The following MYH13 variants were observed in gnomAD, a reference collection of about 807,000 sequenced individuals.
MYH13 encodes myosin heavy chain 13.
Under a neutral mutation model 232.1 loss-of-function variants are expected in MYH13, and 177 were observed. The ratio of observed to expected loss-of-function variants is 0.76; its 90% confidence interval spans 0.67 to 0.86. MYH13 has a LOEUF of 0.86. Ranked by LOEUF, MYH13 falls within the 40% of genes least tolerant of loss-of-function variation. The pLI is 0.00. For missense variants in MYH13, 2,246 were observed against 2,405.9 expected (o/e 0.93, Z 1.39); for synonymous variants, 884 against 923.5 (o/e 0.96, Z 0.78).
In MYH13 at chr17:10,333,103, G is replaced by C. The variant is rs1202350615; in HGVS notation, c.2145C>G (p.Ser715Arg). 6.4e-7 allele frequency: 1 copy of C among 1,551,506 alleles called. No homozygotes were observed. The highest frequency in any genetic ancestry group is 2.0e-5 in the Admixed American group (1 of 50,990). The change falls in exon 19 of 41, where the codon AGC (serine) becomes AGG (arginine). Residue 715 changes from serine (S) to arginine (R), a missense_variant. Physicochemically the swap from Ser to Arg is moderately radical, Grantham distance 110. Transcript: ENST00000252172. ...GCTTGAAGTCAGCATAGAGGATCCG[G>C]CTGGGGAATCCCTTCCTGCAAATCC... ...GIRICRKGFP[S>R]RILYADFKQR...
At position 10,303,493 on chromosome 17, in the gene MYH13, C is replaced by G; in HGVS notation, c.5472G>C (p.Arg1824=). The change falls in exon 38 of 41, where the codon CGG becomes CGC. Residue 1824 remains arginine, a synonymous_variant. Coordinates refer to ENST00000252172, the MANE Select transcript of MYH13 (RefSeq NM_003802.3). ...CCACATCAAGCTCATTTTCCAGCTCCCGCACCTGAGTAGGATGAAAGGAAC... is the reference window on the plus strand; with the variant it reads ...CCACATCAAGCTCATTTTCCAGCTCGCGCACCTGAGTAGGATGAAAGGAAC... ...KQIQKLENRV[R]ELENELDVEQ... is the part of the protein sequence containing the mutation. 3 of 1,613,750 alleles carry G rather than the reference C, an allele frequency of 1.9e-6. No homozygotes were observed. The highest frequency in any genetic ancestry group is 2.7e-5 in the African/African-American group (2 of 75,028).
At position 10,328,092 on chromosome 17, in the gene MYH13, A is replaced by T; in HGVS notation, c.2465T>A (p.Ile822Asn). ...RDSIFCIQYN[I>N]RSFMNVKHWP... ...GTGCTTGACGTTCATAAAAGAGCGG[A>T]TGTTGTACTGGATGCAGAAGATGGA... The change falls in exon 22 of 41, where the codon ATC becomes AAC. Residue 822 changes from isoleucine to asparagine, a missense_variant. Ile to Asn is a moderately radical substitution (Grantham distance 149). Transcript: ENST00000252172. 6.2e-7 allele frequency: 1 copy of T among 1,614,014 alleles called. No homozygotes were observed. The highest frequency in any genetic ancestry group is 1.7e-4 in the Middle Eastern group (1 of 6,058).
chr17:10,367,278 T>C (rs1048728085), intron 2 of MYH13, among the ~76,000 whole-genome samples: 3 of 152,210 alleles, frequency 2.0e-5, no homozygotes, highest in African/African-American at 4.8e-5. Flanking sequence ...AAAATTAAAA[T>C]TGAGAAATTA....
chr17:10,339,687 G>A (rs566250118), intron 18 of MYH13, among the ~76,000 whole-genome samples: 1 of 152,144 alleles, frequency 6.6e-6, no homozygotes, highest in African/African-American at 2.4e-5. Flanking sequence ...TGCCAGATAA[G>A]ATACAGATGC....
rs942267803 is a variant in MYH13, at chr17:10,362,633, C to A, written c.205-130G>T. The stretch of plus-strand genomic sequence containing the variant: ...CATTGTGATGGATAATTTCATGGAT[C>A]ATTTCCATGCCCCAACATGATCCAT... On this transcript the variant is annotated intron_variant, in intron 3 of 40. Coordinates refer to ENST00000252172, the MANE Select transcript of MYH13 (RefSeq NM_003802.3). 8 of 1,230,666 alleles carry A rather than the reference C, an allele frequency of 6.5e-6. No homozygotes were observed. The African/African-American group carries it at 1.0e-4, about 16-fold the overall frequency. 76.2% of individuals were successfully genotyped at this position (1,230,666 alleles called of 1,614,324 possible). A position where few individuals can be genotyped will look rare whatever the true frequency, so the allele number is the denominator to read the frequency against.
chr17:10,334,741 T>A (rs11078841), intron 18 of MYH13, among the ~76,000 whole-genome samples: 29,589 of 151,880 alleles, frequency 0.19, 3,232 homozygotes, highest in East Asian at 0.51. Flanking sequence ...TAGCCGGGCG[T>A]GGTGGCAGGT....
intron 18 of MYH13, among the ~76,000 whole-genome samples, chr17:10,333,908 CAA>C (rs796120788): frequency 1.2e-4 from 15 of 125,478 alleles, no homozygotes; most frequent in Admixed American, 2.5e-4. Flanking sequence ...AACTGCACCT[CAA>C]AAAAAAAAAA....
chr17:10,347,414 G>T (rs994797898), intron 12 of MYH13, among the ~76,000 whole-genome samples: 2 of 152,058 alleles, frequency 1.3e-5, no homozygotes, highest in Non-Finnish European at 2.9e-5. Context: ...CTGACAATAC[G>T]TTAAAATGTT....
At position 10,355,162 on chromosome 17, in the gene MYH13, G is replaced by T; in HGVS notation, c.739-15C>A. The T allele has an allele frequency of 6.4e-7, 1 of 1,561,936 alleles. No homozygotes were observed. The highest frequency in any genetic ancestry group is 1.2e-5 in the South Asian group (1 of 85,114). On this transcript the variant is annotated splice_polypyrimidine_tract_variant and intron_variant, in intron 8 of 40. Transcript: ENST00000252172. ...ATGAACTTCCCCTGTCCAATAACAG[G>T]TGGACAAATGTTACGGTTATTTGAT...
Position 10,318,950 on chromosome 17 carries a change from G to T in MYH13, c.3578C>A (p.Ala1193Glu). 1 of 1,614,164 alleles carries T rather than the reference G, an allele frequency of 6.2e-7. No homozygotes were observed. The highest frequency in any genetic ancestry group is 1.7e-5 in the Admixed American group (1 of 60,032). The change falls in exon 27 of 41, where the codon GCA (alanine) becomes GAA (glutamate). Residue 1193 changes from alanine (A) to glutamate (E), a missense_variant. Coordinates refer to ENST00000252172, the MANE Select transcript of MYH13 (RefSeq NM_003802.3). The part of the protein sequence containing the change: ...EEATLQHEAT[A>E]ATLRKKQADS... Reference sequence around the variant, plus strand: ...TGCTTGCTTCTTCCTCAGGGTGGCTGCTGTGGCTTCGTGCTGCAGGGTGGC... The same window carrying T: ...TGCTTGCTTCTTCCTCAGGGTGGCTTCTGTGGCTTCGTGCTGCAGGGTGGC...
intron 22 of MYH13, among the ~76,000 whole-genome samples, chr17:10,327,344 C>T (rs1160766020): frequency 6.6e-6 from 1 of 151,308 alleles, no homozygotes; most frequent in African/African-American, 2.4e-5. Flanking sequence ...TGGGGTTTTG[C>T]CATGATACCC....
Position 10,306,760 on chromosome 17 carries a change from C to T in MYH13, c.5296-131G>A. ...GACTGGGGCCAGTCATTGCTGATTC[C>T]CCACAGCCTCCCCTCCCACTTTGCC... is the stretch of plus-strand genomic sequence containing the variant. On this transcript the variant is annotated intron_variant, in intron 36 of 40. Transcript: ENST00000252172. The surrounding 1 kb of genome is among the most constrained non-coding windows in gnomAD (Gnocchi z 4.3). 6.6e-7 allele frequency: 1 copy of T among 1,516,502 alleles called. No individual in the cohort carries two copies. Among genetic ancestry groups the T allele is most frequent in the Non-Finnish European group, 8.8e-7 (1 of 1,132,244 alleles). The allele number at this position is 1,516,502 out of a possible 1,614,324, so 93.9% of individuals were successfully genotyped here.
At chr17:10,351,699 C>T (rs59973473) in intron 11 of MYH13, among the ~76,000 whole-genome samples, 3,145 of 152,166 alleles carry the variant, frequency 0.021, 100 homozygotes, top group East Asian at 0.11. Flanking sequence ...GGTCTTGGTC[C>T]CTTCAAAACC....
chr17:10,350,506 C>T, intron 12 of MYH13, 50 bp downstream of exon 12: 1 of 1,585,180 alleles, frequency 6.3e-7, no homozygotes, highest in South Asian at 1.1e-5. Flanking sequence ...GCCTCGCCCG[C>T]ACATGAACAT....
chr17:10,311,808 G>T, intron 32 of MYH13, 103 bp downstream of exon 32: 1 of 1,337,070 alleles, frequency 7.5e-7, no homozygotes, highest in African/African-American at 1.4e-5. Context: ...GATCGTGTGG[G>T]GCAGTGGGAA....
rs916490907 is a variant in MYH13 at position 10,309,781 on chromosome 17, A to T, written c.4706T>A (p.Leu1569Gln). The T allele has an allele frequency of 1.3e-6, 2 of 1,599,360 alleles. No individual in the cohort carries two copies. The highest frequency in any genetic ancestry group is 1.3e-5 in the African/African-American group (1 of 74,660). Residue 1569 changes from leucine to glutamine, a missense_variant, in exon 34 of 41, where the codon CTG (leucine) becomes CAG (glutamine). Transcript: ENST00000252172. Reference sequence around the variant, plus strand: ...GTCTAGCTCGGATTTCACCTGGCTCAGCTCTAGCTGCACGCGCAAGATCTT... The same window carrying T: ...GTCTAGCTCGGATTTCACCTGGCTCTGCTCTAGCTGCACGCGCAAGATCTT... Reference protein sequence around the residue: ...ESKILRVQLELSQVKSELDRK... With the variant: ...ESKILRVQLEQSQVKSELDRK...
intron 22 of MYH13, 69 bp from the exon 23 acceptor site, chr17:10,324,333 C>T (rs1274626040): frequency 6.3e-7 from 1 of 1,577,032 alleles, no homozygotes; most frequent in Non-Finnish European, 8.6e-7. Flanking sequence ...AGGGTATCAC[C>T]CTCTAAAAGC....
Position 10,350,659 on chromosome 17 carries a change from C to T in MYH13, c.1041G>A (p.Glu347=). ...CCGTCAGTTTGTAGATCCCGACTTT[C>T]TCCTCTGAGCTGAAGCCCAGGATGT... The part of the protein sequence containing the change: ...AIDILGFSSE[E]KVGIYKLTGA... The change falls in exon 12 of 41, where the codon GAG becomes GAA. Residue 347 remains glutamate (E), a synonymous_variant. Transcript: ENST00000252172. 6.2e-7 allele frequency: 1 copy of T among 1,613,778 alleles called. No homozygotes were observed. The highest frequency in any genetic ancestry group is 8.5e-7 in the Non-Finnish European group (1 of 1,179,944).
At position 10,324,160 on chromosome 17, in the gene MYH13, C is replaced by G. The variant is rs1228165420; in HGVS notation, c.2796G>C (p.Glu932Asp). Residue 932 changes from glutamate (E) to aspartate (D), a missense_variant, in exon 23 of 41, where the codon GAG becomes GAC. By Grantham distance (45) the Glu-to-Asp change is conservative. Coordinates refer to ENST00000252172, the MANE Select transcript of MYH13 (RefSeq NM_003802.3). ...KVKELTERLE[E>D]EEEMNSELVA... ...CCAATTCAGAATTCATCTCCTCTTC[C>G]TCTTCCAATCTCTCCGTCAGCTCCT... is the stretch of plus-strand genomic sequence containing the variant. 1 of 1,613,840 alleles carries G rather than the reference C, an allele frequency of 6.2e-7. No individual in the cohort carries two copies. Among genetic ancestry groups the G allele is most frequent in the East Asian group, 2.2e-5 (1 of 44,878 alleles).
Sources: allele counts gnomAD v4.1 joint callset (sites outside exome capture counted in the v4.1 genomes callset), GRCh38; gene constraint gnomAD v4.1.1; non-coding constraint Gnocchi (gnomAD v3.1); transcripts MANE v1.5; gene names NCBI Gene and HGNC (gene_info 2026-07-23, HGNC 2026-07-21).